CEMIP2: variants seen among roughly 807,000 people sequenced by gnomAD.
CEMIP2 encodes cell surface hyaluronidase CEMIP2.
Under a neutral mutation model 146.9 loss-of-function variants are expected in CEMIP2, and 79 were observed. That is an observed-to-expected ratio of 0.54 (90% CI 0.45 to 0.65). The LOEUF (loss-of-function observed/expected upper bound fraction) is 0.65. CEMIP2 is among the 30% of genes least tolerant of loss of function. The pLI, the probability that CEMIP2 is intolerant of heterozygous loss-of-function variation, is 0.00. For synonymous variants in CEMIP2, 601 were observed against 606.3 expected, an observed-to-expected ratio of 0.99 and a Z score of 0.13; for missense variants, 1,596 against 1,696.2, an observed-to-expected ratio of 0.94 and a Z score of 1.04.
intron 1 of CEMIP2, among the ~76,000 whole-genome samples, chr9:71,767,052 C>T (rs186312450): frequency 6.6e-6 from 1 of 152,174 alleles, no homozygotes; most frequent in Non-Finnish European, 1.5e-5. Flanking sequence ...TAAAAAGAAC[C>T]CTTTGTATAG....
intron 12 of CEMIP2, among the ~76,000 whole-genome samples, chr9:71,719,993 A>C (rs1823186898): frequency 6.6e-6 from 1 of 152,176 alleles, no homozygotes; most frequent in Non-Finnish European, 1.5e-5. Context: ...GTAATCAGTA[A>C]CTGACCACTT....
chr9:71,763,027 T>A (rs1402349267), intron 1 of CEMIP2, among the ~76,000 whole-genome samples: 2 of 151,772 alleles, frequency 1.3e-5, no homozygotes, highest in Admixed American at 6.6e-5. Context: ...AAAAATATAT[T>A]TTTTTAATGT....
At position 71,715,062 on chromosome 9, in the gene CEMIP2, A is replaced by C. The variant is rs1564005562; in HGVS notation, c.2463T>G (p.Gly821=). 6.2e-7 allele frequency: 1 copy of C among 1,613,908 alleles called. No individual in the cohort carries two copies. Residue 821 remains glycine (G), a synonymous_variant, in exon 15 of 24, where the codon GGT becomes GGG. Transcript: ENST00000377044. ...GAGATTCAGATACCTCTTGGCTGGA[A>C]CCTTCATCACTTGGGAAGCTTCCAT... is the stretch of plus-strand genomic sequence containing the variant. ...ASDGSFPSDE[G]SSQEVSESLF...
chr9:71,743,720 C>T (rs550493714), intron 4 of CEMIP2, among the ~76,000 whole-genome samples: 2 of 152,284 alleles, frequency 1.3e-5, no homozygotes, highest in South Asian at 2.1e-4. Context: ...AGTGTCCTTT[C>T]GTCTAAGCAT....
chr9:71,758,287 G>C (rs1425822192), intron 1 of CEMIP2, among the ~76,000 whole-genome samples: 2 of 152,168 alleles, frequency 1.3e-5, no homozygotes, highest in Non-Finnish European at 2.9e-5. Flanking sequence ...GTGGGGCCAA[G>C]GACCTTGGCC....
rs1390111897 is a variant in CEMIP2 at position 71,746,352 on chromosome 9, A to T, written c.332-11T>A. On this transcript the variant is annotated splice_polypyrimidine_tract_variant and intron_variant, in intron 2 of 23. Coordinates refer to ENST00000377044, the MANE Select transcript of CEMIP2 (RefSeq NM_013390.3). Reference sequence around the variant, plus strand: ...GATCTGGGCAATTTTCTATAAACACATTGATATTCCATCCAACCCATTAAA... The same window carrying T: ...GATCTGGGCAATTTTCTATAAACACTTTGATATTCCATCCAACCCATTAAA... The T allele has an allele frequency of 6.2e-7, 1 of 1,613,582 alleles. No homozygotes were observed. The highest frequency in any genetic ancestry group is 2.2e-5 in the East Asian group (1 of 44,846).
rs1169693319 is a variant in CEMIP2, at chr9:71,745,224, C to T, written c.828G>A (p.Thr276=). 4 of 1,613,870 alleles carry T rather than the reference C, an allele frequency of 2.5e-6. No individual in the cohort carries two copies. The African/African-American group carries it at 4.0e-5, about 16-fold the overall frequency. Residue 276 remains threonine (T), a synonymous_variant, in exon 4 of 24, where the codon ACG becomes ACA. Coordinates refer to ENST00000377044, the MANE Select transcript of CEMIP2 (RefSeq NM_013390.3). ...ATCTCTCACTTTCCAAAATTTTGGC[C>T]GTGTCTTGGTCAATGACCCTCACAT... The part of the protein sequence containing the change: ...GLNVRVIDQD[T]AKILESERFD...
intron 17 of CEMIP2, 50 bp downstream of exon 17, chr9:71,709,209 G>T: frequency 6.4e-7 from 1 of 1,558,552 alleles, no homozygotes; most frequent in Non-Finnish European, 8.9e-7. Context: ...CAGAAGCAGT[G>T]CTGGCAGGAG....
At position 71,756,512 on chromosome 9, in the gene CEMIP2, A is replaced by T. The variant is rs907992968; in HGVS notation, c.-12-6127T>A. The stretch of plus-strand genomic sequence containing the variant: ...CTCTCTCTCTCTCTCTCTCTCACAC[A>T]CACACACACACACACACACACAAAC... On this transcript the variant is annotated intron_variant, in intron 1 of 23. Transcript: ENST00000377044. 2.8e-4 allele frequency among the ~76,000 whole-genome samples: 42 copies of T among 149,544 alleles called. No individual in the cohort carries two copies. In the East Asian group the frequency reaches 3.7e-3, roughly 13 times the overall value.
At chr9:71,729,733 C>A in intron 10 of CEMIP2, 112 bp downstream of exon 10, 1 of 1,001,366 alleles carries the variant, frequency 1.0e-6, no homozygotes, top group Non-Finnish European at 1.5e-6. Flanking sequence ...TACCAGAAAA[C>A]AATGTCATGC....
intron 1 of CEMIP2, among the ~76,000 whole-genome samples, chr9:71,755,381 A>ACACACACACACACACACACACAC (rs55856832): frequency 6.7e-6 from 1 of 149,134 alleles, no homozygotes. Flanking sequence ...ACACACACAC[A>ACACACACACACACACACACACAC]AAATTAAATC....
chr9:71,741,658 G>A (rs548589462), intron 4 of CEMIP2, among the ~76,000 whole-genome samples: 9 of 47,296 alleles, frequency 1.9e-4, no homozygotes, highest in African/African-American at 5.2e-4. Flanking sequence ...TTTTTTTTGA[G>A]ACAGAGTCTC....
chr9:71,728,263 A>ATATATATATATATATGTATATACACG lies in CEMIP2; in HGVS notation c.2049+1581_2049+1582insCGTGTATATACATATATATATATATA, dbSNP rs1564012310. On this transcript the variant is annotated intron_variant, in intron 10 of 23. Transcript: ENST00000377044. ...TATATATATATATGTATATACACGT[A>ATATATATATATATATGTATATACACG]TATATATATATATATATGTATATAT... Among the ~76,000 whole-genome samples the ATATATATATATATATGTATATACACG allele has an allele frequency of 1.2e-3, 13 of 10,554 alleles. 3 individuals carry two copies. The highest frequency in any genetic ancestry group is 2.6e-3 in the Non-Finnish European group (11 of 4,290). 6.9% of individuals were successfully genotyped at this position (10,554 alleles called of 152,430 possible).
intron 2 of CEMIP2, among the ~76,000 whole-genome samples, chr9:71,748,411 A>T (rs568161049): frequency 6.6e-6 from 1 of 152,338 alleles, no homozygotes; most frequent in African/African-American, 2.4e-5. Flanking sequence ...ATATTTCAGC[A>T]TACCAGATCT....
In CEMIP2 at chr9:71,730,099, A is replaced by G. The variant is rs951197636; in HGVS notation, c.1928T>C (p.Met643Thr). 6.8e-6 allele frequency: 11 copies of G among 1,614,048 alleles called. No individual in the cohort carries two copies. In the African/African-American group the frequency reaches 1.2e-4, roughly 18 times the overall value. The change falls in exon 9 of 24, where the codon ATG (methionine) becomes ACG (threonine). Residue 643 changes from methionine (M) to threonine (T), a missense_variant. Physicochemically the swap from Met to Thr is moderately conservative, Grantham distance 81. Transcript: ENST00000377044. Reference sequence around the variant, plus strand: ...GTAATTTCCAAACACTTTATCTCGCATGGTGGTACACATGGAGTTGTTCCT... The same window carrying G: ...GTAATTTCCAAACACTTTATCTCGCGTGGTGGTACACATGGAGTTGTTCCT... Reference protein sequence around the residue: ...TDRNNSMCTTMRDKVFGNYIP... With the variant: ...TDRNNSMCTTTRDKVFGNYIP...
chr9:71,750,063 G>T lies in CEMIP2; in HGVS notation c.311C>A (p.Ser104Tyr). 1 of 1,606,298 alleles carries T rather than the reference G, an allele frequency of 6.2e-7. No individual in the cohort carries two copies. Among genetic ancestry groups the T allele is most frequent in the Non-Finnish European group, 8.5e-7 (1 of 1,175,920 alleles). Reference protein sequence around the residue: ...FIALAIILGISSKYAPDENCP... With the variant: ...FIALAIILGIYSKYAPDENCP... ...CTTACCATCTGGAGCATATTTTGAG[G>T]ATATTCCTAAAATGATTGCAAGTGC... Residue 104 changes from serine to tyrosine, a missense_variant, in exon 2 of 24, where the codon TCC (serine) becomes TAC (tyrosine). Coordinates refer to ENST00000377044, the MANE Select transcript of CEMIP2 (RefSeq NM_013390.3).
rs1296408815 is a variant in CEMIP2 at position 71,683,675 on chromosome 9, C to T, written c.*1522G>A. 1 of 152,162 alleles carries T rather than the reference C, an allele frequency of 6.6e-6. No homozygotes were observed. Among genetic ancestry groups the T allele is most frequent in the East Asian group, 1.9e-4 (1 of 5,204 alleles). 9.4% of individuals were successfully genotyped at this position (152,162 alleles called of 1,614,324 possible). ...ACTAACTTTGATTAAGACATGTGCC[C>T]TTAGTAAGGGCACTTACAATTAGAA... On this transcript the variant is annotated 3_prime_UTR_variant, in exon 24 of 24. Transcript: ENST00000377044.
chr9:71,685,383 T>C lies in CEMIP2; in HGVS notation c.3966A>G (p.Ile1322Met), dbSNP rs763959766. 2 of 1,380,322 alleles carry C rather than the reference T, an allele frequency of 1.4e-6. No homozygotes were observed. The highest frequency in any genetic ancestry group is 1.6e-5 in the South Asian group (1 of 63,596). The allele number at this position is 1,380,322 out of a possible 1,614,324, so 85.5% of individuals were successfully genotyped here. Residue 1322 changes from isoleucine to methionine, a missense_variant, in exon 24 of 24, where the codon ATA becomes ATG. Coordinates refer to ENST00000377044, the MANE Select transcript of CEMIP2 (RefSeq NM_013390.3). The stretch of plus-strand genomic sequence containing the variant: ...TAAAGTTTCCACTGAATCCCAAAAA[T>C]ATGGTACTCCCTAAAAAAAAAAAAA... ...PAHLYDKGSTIFLGFSGNFKP... is the reference protein window; with the variant it reads ...PAHLYDKGSTMFLGFSGNFKP...
chr9:71,733,472 G>A (rs533561382), intron 6 of CEMIP2, among the ~76,000 whole-genome samples: 7 of 152,232 alleles, frequency 4.6e-5, no homozygotes, highest in African/African-American at 1.7e-4. Flanking sequence ...TTTTGTTTAT[G>A]CCCTGTATTA....
Sources: allele counts gnomAD v4.1 joint callset (sites outside exome capture counted in the v4.1 genomes callset), GRCh38; gene constraint gnomAD v4.1.1; transcripts MANE v1.5; gene names NCBI Gene and HGNC (gene_info 2026-07-23, HGNC 2026-07-21).